THSD7B: variants seen among roughly 807,000 people sequenced by gnomAD.
THSD7B encodes the protein thrombospondin type-1 domain-containing protein 7B.
THSD7B carries 138 observed loss-of-function variants against 213.6 expected under a neutral mutation model. The observed-to-expected ratio is 0.65, with a 90% confidence interval of 0.56 to 0.74. The LOEUF is 0.74. Ranked by LOEUF, THSD7B falls within the 30% of genes least tolerant of loss-of-function variation. The probability of loss-of-function intolerance (pLI) is 0.00; values close to 1 mark genes in which losing one functional copy is unlikely to be tolerated. For synonymous variants in THSD7B, 742 were observed against 687.0 expected, an observed-to-expected ratio of 1.08 and a Z score of -1.25; for missense variants, 1,931 against 1,991.5, an observed-to-expected ratio of 0.97 and a Z score of 0.58.
At chr2:136,998,916 ACACACACAC>A (rs1558882002) in intron 2 of THSD7B, among the ~76,000 whole-genome samples, 20 of 85,786 alleles carry the variant, frequency 2.3e-4, no homozygotes, top group East Asian at 1.3e-3. Context: ...ACAGACACAC[ACACACACAC>A]ACACACACAC....
chr2:137,569,404 G>A (rs1050323585), intron 16 of THSD7B, among the ~76,000 whole-genome samples: 2 of 152,104 alleles, frequency 1.3e-5, no homozygotes, highest in African/African-American at 4.8e-5. Flanking sequence ...TGCACCAGCT[G>A]TTCTCTAGTC....
At chr2:136,873,021 T>TAAAAAAAA (rs1553454610) in intron 1 of THSD7B, among the ~76,000 whole-genome samples, 6 of 43,492 alleles carry the variant, frequency 1.4e-4, no homozygotes, top group East Asian at 5.9e-4. Flanking sequence ...AGACTCCATC[T>TAAAAAAAA]AAAAAAAAAA....
intron 25 of THSD7B, among the ~76,000 whole-genome samples, chr2:137,662,935 G>A (rs1683378108): frequency 6.6e-6 from 1 of 151,974 alleles, no homozygotes; most frequent in South Asian, 2.1e-4. Flanking sequence ...TGTGATGGCG[G>A]GTGCCTATAA....
At chr2:137,125,810 A>C (rs1229181055) in intron 5 of THSD7B, among the ~76,000 whole-genome samples, 1 of 152,184 alleles carries the variant, frequency 6.6e-6, no homozygotes, top group Non-Finnish European at 1.5e-5. Context: ...ATAAAACTTG[A>C]AAGTTAAAAT....
chr2:137,029,885 T>C (rs1686630410), intron 2 of THSD7B, among the ~76,000 whole-genome samples: 1 of 152,146 alleles, frequency 6.6e-6, no homozygotes, highest in Admixed American at 6.5e-5. Flanking sequence ...TTATTATAAC[T>C]CTGAGGAGCT....
At chr2:137,233,776 G>C (rs1236811720) in intron 9 of THSD7B, among the ~76,000 whole-genome samples, 2 of 152,222 alleles carry the variant, frequency 1.3e-5, no homozygotes, top group African/African-American at 4.8e-5. Context: ...CTGGCTGTGG[G>C]AGTTTTATCA....
chr2:137,236,757 A>G (rs1681771892), intron 9 of THSD7B, among the ~76,000 whole-genome samples: 1 of 152,180 alleles, frequency 6.6e-6, no homozygotes, highest in South Asian at 2.1e-4. Context: ...ATGGAGGTGT[A>G]GCTAAAAAAT....
intron 2 of THSD7B, among the ~76,000 whole-genome samples, chr2:136,989,224 G>C (rs1352972281): frequency 6.6e-6 from 1 of 152,156 alleles, no homozygotes; most frequent in African/African-American, 2.4e-5. Flanking sequence ...ATACAATACG[G>C]TTTGGATATT....
intron 2 of THSD7B, among the ~76,000 whole-genome samples, chr2:137,012,473 C>T (rs1686249544): frequency 6.6e-6 from 1 of 152,192 alleles, no homozygotes; most frequent in South Asian, 2.1e-4. Context: ...CAAAATGTTT[C>T]ATTGCAGAAG....
At chr2:137,084,265 A>G (rs1255189369) in intron 3 of THSD7B, among the ~76,000 whole-genome samples, 1 of 152,220 alleles carries the variant, frequency 6.6e-6, no homozygotes, top group Non-Finnish European at 1.5e-5. Flanking sequence ...CAGTGAAATA[A>G]TAAAAGAGGC....
At chr2:137,108,867 A>G (rs1425521206) in intron 4 of THSD7B, among the ~76,000 whole-genome samples, 2 of 152,164 alleles carry the variant, frequency 1.3e-5, no homozygotes, top group Non-Finnish European at 2.9e-5. Context: ...AATGAAGAAA[A>G]ATGAAATTTC....
At chr2:137,183,653 TAGGG>T (rs1378097611) in intron 7 of THSD7B, among the ~76,000 whole-genome samples, 1 of 151,972 alleles carries the variant, frequency 6.6e-6, no homozygotes, top group Non-Finnish European at 1.5e-5. Context: ...CCTCTGGTAA[TAGGG>T]AGGAAATTTT....
At chr2:136,939,612 C>T (rs749641259) in intron 2 of THSD7B, among the ~76,000 whole-genome samples, 6 of 152,178 alleles carry the variant, frequency 3.9e-5, no homozygotes, top group Non-Finnish European at 7.3e-5. Flanking sequence ...CCTGTCTCTT[C>T]CAAGAAGCCT....
rs1391780024 is a variant in THSD7B at position 137,094,985 on chromosome 2, G to C, written c.1063G>C (p.Gly355Arg). 2 of 1,613,846 alleles carry C rather than the reference G, an allele frequency of 1.2e-6. No homozygotes were observed. The highest frequency in any genetic ancestry group is 1.1e-5 in the South Asian group (1 of 91,080). Residue 355 changes from glycine (G) to arginine (R), a missense_variant, in exon 4 of 28, where the codon GGG becomes CGG. By Grantham distance (125) the Gly-to-Arg change is moderately radical. Coordinates refer to ENST00000409968, the MANE Select transcript of THSD7B (RefSeq NM_001316349.2). Reference sequence around the variant, plus strand: ...CCCCTGCTCCAAGACATGCCGTTCAGGGAGTCTCTTGCCAGGATTTAGGAG... The same window carrying C: ...CCCCTGCTCCAAGACATGCCGTTCACGGAGTCTCTTGCCAGGATTTAGGAG... The part of the protein sequence containing the change: ...WSPCSKTCRS[G>R]SLLPGFRSRS...
At position 137,459,159 on chromosome 2, in the gene THSD7B, T is replaced by TA. The variant is rs1354113452; in HGVS notation, c.3138+8136_3138+8137insA. On this transcript the variant is annotated intron_variant, in intron 15 of 27. Coordinates refer to ENST00000409968, the MANE Select transcript of THSD7B (RefSeq NM_001316349.2). ...CAAACCGATGGGAGTACAGTATCTT[T>TA]TAAAAAAAAAATCTAAAAAAGAAAT... 1.5e-4 allele frequency among the ~76,000 whole-genome samples: 23 copies of TA among 151,508 alleles called. 1 individual carries two copies. The highest frequency in any genetic ancestry group is 1.4e-3 in the East Asian group (7 of 5,124).
At chr2:137,250,355 C>A (rs555306826) in intron 10 of THSD7B, among the ~76,000 whole-genome samples, 1 of 152,160 alleles carries the variant, frequency 6.6e-6, no homozygotes, top group Middle Eastern at 3.4e-3. Context: ...ATTAATATAT[C>A]CATCACCTCA....
chr2:136,800,860 T>C (rs988950138), intron 1 of THSD7B, among the ~76,000 whole-genome samples: 3 of 151,992 alleles, frequency 2.0e-5, no homozygotes, highest in Non-Finnish European at 4.4e-5. Flanking sequence ...CACAGCACTT[T>C]TGTAGATCTT....
chr2:137,259,824 G>A (rs1573917299), intron 10 of THSD7B, among the ~76,000 whole-genome samples: 1 of 152,080 alleles, frequency 6.6e-6, no homozygotes, highest in Admixed American at 6.6e-5. Context: ...TTTCTAGAAT[G>A]GTATCCTCTC....
chr2:137,372,719 T>TAA (rs1685558363), intron 12 of THSD7B, among the ~76,000 whole-genome samples: 1 of 152,086 alleles, frequency 6.6e-6, no homozygotes, highest in Non-Finnish European at 1.5e-5. Context: ...TATTATACTT[T>TAA]AAGTTTTAGG....
Sources: allele counts gnomAD v4.1 joint callset (sites outside exome capture counted in the v4.1 genomes callset), GRCh38; gene constraint gnomAD v4.1.1; transcripts MANE v1.5; gene names NCBI Gene and HGNC (gene_info 2026-07-23, HGNC 2026-07-21).